NAALADL2: variants seen among roughly 807,000 people sequenced by gnomAD.
The protein encoded by NAALADL2 is N-acetylated alpha-linked acidic dipeptidase like 2.
A neutral mutation model predicts 87.2 loss-of-function variants in NAALADL2; 76 were observed. That is an observed-to-expected ratio of 0.87 (90% CI 0.72 to 1.05). NAALADL2 has a LOEUF of 1.05. Ranked by LOEUF, NAALADL2 falls within the 50% of genes least tolerant of loss-of-function variation. The pLI is 0.00. For synonymous variants in NAALADL2, 354 were observed against 331.0 expected (o/e 1.07, Z -0.75); for missense variants, 1,089 against 945.8 (o/e 1.15, Z -1.99).
intron 2 of NAALADL2, among the ~76,000 whole-genome samples, chr3:175,159,620 A>AG (rs1195600554): frequency 1.3e-5 from 2 of 152,190 alleles, no homozygotes; most frequent in Admixed American, 1.3e-4. Flanking sequence ...AATCTTTTAT[A>AG]GGTAGTTCAA....
intron 2 of NAALADL2, among the ~76,000 whole-genome samples, chr3:175,148,211 A>AC (rs1284855455): frequency 6.6e-6 from 1 of 151,256 alleles, no homozygotes; most frequent in Non-Finnish European, 1.5e-5. Context: ...TAGTAATTTG[A>AC]CTTTTTAAAC....
At chr3:174,444,734 G>A (rs956166417) in intron 1 of NAALADL2, among the ~76,000 whole-genome samples, 1 of 152,150 alleles carries the variant, frequency 6.6e-6, no homozygotes, top group East Asian at 1.9e-4. Flanking sequence ...GTGATCAAAT[G>A]GAGAACAGTG....
intron 9 of NAALADL2, among the ~76,000 whole-genome samples, chr3:175,512,053 G>A (rs1223495574): frequency 6.6e-6 from 1 of 152,096 alleles, no homozygotes; most frequent in Non-Finnish European, 1.5e-5. Context: ...ACCAGCCTGA[G>A]CAACATAGTG....
chr3:174,494,223 T>A (rs1451149354), intron 1 of NAALADL2, among the ~76,000 whole-genome samples: 1 of 152,140 alleles, frequency 6.6e-6, no homozygotes, highest in African/African-American at 2.4e-5. Flanking sequence ...ACTCTTATTT[T>A]AAAGGGAAAA....
rs1208716830 is a variant in NAALADL2 at position 175,363,500 on chromosome 3, T to A, written c.1090+39175T>A. 3.4e-5 allele frequency among the ~76,000 whole-genome samples: 5 copies of A among 147,574 alleles called. 1 individual carries two copies. Among genetic ancestry groups the A allele is most frequent in the African/African-American group, 1.2e-4 (5 of 40,646 alleles). ...TTGTTTCCTTTTATGAGATAGAATC[T>A]TCCTTGTGTCTCTCTGTCTCTGACT... On this transcript the variant is annotated intron_variant, in intron 5 of 13. Coordinates refer to ENST00000454872, the MANE Select transcript of NAALADL2 (RefSeq NM_207015.3).
chr3:175,683,786 G>T (rs185735676), intron 11 of NAALADL2, among the ~76,000 whole-genome samples: 54 of 152,014 alleles, frequency 3.6e-4, no homozygotes, highest in African/African-American at 1.3e-3. Context: ...ATATAAGGTG[G>T]TAGTCTTTTC....
chr3:175,420,116 A>G (rs541898180), intron 5 of NAALADL2, among the ~76,000 whole-genome samples: 7 of 152,008 alleles, frequency 4.6e-5, no homozygotes, highest in Non-Finnish European at 8.8e-5. Context: ...CCCATCTGTA[A>G]ATATACAGAT....
chr3:175,115,092 A>G (rs957477089), intron 2 of NAALADL2: 159 of 151,676 alleles, frequency 1.0e-3, no homozygotes, highest in African/African-American at 3.6e-3. Context: ...AAATATGCCT[A>G]TCAACCTACT....
intron 4 of NAALADL2, among the ~76,000 whole-genome samples, chr3:175,288,774 A>G (rs900038615): frequency 6.6e-6 from 1 of 152,172 alleles, no homozygotes; most frequent in Non-Finnish European, 1.5e-5. Context: ...GCATACTTGC[A>G]TTATTGTGGG....
intron 1 of NAALADL2, among the ~76,000 whole-genome samples, chr3:174,519,046 TTCTC>T (rs531796585): frequency 2.3e-3 from 346 of 152,332 alleles, no homozygotes; most frequent in Non-Finnish European, 4.2e-3. Flanking sequence ...TTATCTCTCT[TTCTC>T]TGTCTCCATC....
chr3:175,133,315 G>A (rs1351295334), intron 2 of NAALADL2, among the ~76,000 whole-genome samples: 3 of 152,180 alleles, frequency 2.0e-5, no homozygotes, highest in African/African-American at 2.4e-5. Context: ...CTTCCCAGAC[G>A]GGGTGGCGGC....
chr3:175,229,286 A>G (rs1206291962), intron 2 of NAALADL2, among the ~76,000 whole-genome samples: 1 of 151,990 alleles, frequency 6.6e-6, no homozygotes, highest in African/African-American at 2.4e-5. Flanking sequence ...ATGTGATATA[A>G]TTGTTTTACA....
chr3:175,330,201 T>G (rs1290601016), intron 5 of NAALADL2, among the ~76,000 whole-genome samples: 1 of 152,170 alleles, frequency 6.6e-6, no homozygotes, highest in Non-Finnish European at 1.5e-5. Flanking sequence ...TCTTAAAGAA[T>G]ATAGAAGCTA....
chr3:175,803,784 T>C lies in NAALADL2; in HGVS notation c.*581T>C. Reference sequence around the variant, plus strand: ...TACACTGGTTATGAAATTGTATTTTTTTAAGTATTAATGAAAAAAGAGCCA... The same window carrying C: ...TACACTGGTTATGAAATTGTATTTTCTTAAGTATTAATGAAAAAAGAGCCA... On this transcript the variant is annotated 3_prime_UTR_variant, in exon 14 of 14. Coordinates refer to ENST00000454872, the MANE Select transcript of NAALADL2 (RefSeq NM_207015.3). The C allele has an allele frequency of 6.6e-6, 1 of 152,420 alleles. No individual in the cohort carries two copies. Among genetic ancestry groups the C allele is most frequent in the Non-Finnish European group, 1.5e-5 (1 of 67,926 alleles). 9.4% of individuals were successfully genotyped at this position (152,420 alleles called of 1,614,324 possible).
chr3:175,278,539 T>C (rs1407790727), intron 4 of NAALADL2, among the ~76,000 whole-genome samples: 1 of 152,220 alleles, frequency 6.6e-6, no homozygotes, highest in African/African-American at 2.4e-5. Flanking sequence ...TTCCATGGTG[T>C]GTCAACTTTT....
intron 1 of NAALADL2, among the ~76,000 whole-genome samples, chr3:174,902,491 A>G (rs1460063237): frequency 6.6e-6 from 1 of 152,012 alleles, no homozygotes; most frequent in Non-Finnish European, 1.5e-5. Flanking sequence ...TTGAATTCAG[A>G]CTCTAAAATA....
intron 1 of NAALADL2, among the ~76,000 whole-genome samples, chr3:174,869,349 A>C (rs1167437505): frequency 6.6e-6 from 1 of 152,198 alleles, no homozygotes; most frequent in Non-Finnish European, 1.5e-5. Flanking sequence ...TCTAGGAGAT[A>C]AATATAATTT....
chr3:175,448,766 G>C (rs1034941857), intron 6 of NAALADL2, among the ~76,000 whole-genome samples: 1 of 152,174 alleles, frequency 6.6e-6, no homozygotes, highest in African/African-American at 2.4e-5. Context: ...TAGAGTGCAA[G>C]TGGCTTAATC....
At chr3:174,973,495 T>A (rs2108617585) in intron 1 of NAALADL2, among the ~76,000 whole-genome samples, 1 of 152,322 alleles carries the variant, frequency 6.6e-6, no homozygotes, top group South Asian at 2.1e-4. Flanking sequence ...TTGATATTTG[T>A]TATTAAGATA....
Sources: allele counts gnomAD v4.1 joint callset (sites outside exome capture counted in the v4.1 genomes callset), GRCh38; gene constraint gnomAD v4.1.1; transcripts MANE v1.5; gene names NCBI Gene and HGNC (gene_info 2026-07-23, HGNC 2026-07-21).